ZNF496: variants seen among roughly 807,000 people sequenced by gnomAD.
ZNF496 encodes zinc finger protein 496, also known as NSD1 (nuclear receptor binding SET-domain containing 1)-interacting zinc finger protein 1.
In ZNF496, 11 loss-of-function variants were observed where a neutral mutation model predicts 58.9. The ratio of observed to expected loss-of-function variants is 0.19; its 90% CI spans 0.12 to 0.31. The LOEUF (loss-of-function observed/expected upper bound fraction) is 0.31, where lower values mean the gene tolerates loss of function less well. Ranked by LOEUF, ZNF496 falls within the 10% of genes least tolerant of loss-of-function variation. The pLI is 1.00. For synonymous variants in ZNF496, 338 were observed against 318.2 expected (o/e 1.06, Z -0.66); for missense variants, 660 against 783.0 (o/e 0.84, Z 1.88).
At chr1:247,310,686 T>C in intron 6 of ZNF496, 1 of 522,488 alleles carries the variant, frequency 1.9e-6, no homozygotes, top group Admixed American at 3.2e-5. Flanking sequence ...TCTGTGTCCT[T>C]ACATGATGGA....
chr1:247,329,905 T>C lies in ZNF496; in HGVS notation c.-38+61A>G, dbSNP rs1660262834. On this transcript the variant is annotated intron_variant, in intron 3 of 9. Coordinates refer to ENST00000682384, the MANE Select transcript of ZNF496 (RefSeq NM_032752.3). The surrounding 1 kb of genome is among the most constrained non-coding windows in gnomAD (Gnocchi z 5.5). ...GTGGCATTTCAACGTGACACTGCTGTTTTGAGCATCCCAGGAAACCAACAG... is the reference window on the plus strand; with the variant it reads ...GTGGCATTTCAACGTGACACTGCTGCTTTGAGCATCCCAGGAAACCAACAG... The C allele has an allele frequency of 7.2e-6, 2 of 276,734 alleles. No individual in the cohort carries two copies. The highest frequency in any genetic ancestry group is 1.8e-4 in the South Asian group (2 of 11,068). 17.1% of individuals were successfully genotyped at this position (276,734 alleles called of 1,614,324 possible).
rs1398833844 is a variant in ZNF496, at chr1:247,297,932, C to T, written c.*2587G>A. 6.6e-6 allele frequency: 1 copy of T among 152,204 alleles called. No individual in the cohort carries two copies. The highest frequency in any genetic ancestry group is 2.4e-5 in the African/African-American group (1 of 41,436). 9.4% of individuals were successfully genotyped at this position (152,204 alleles called of 1,614,324 possible). ...TTCTCCTTCATGATGTGGTTTTACA[C>T]AGAAAAACACTCTGGTAAGTAGAAC... On this transcript the variant is annotated 3_prime_UTR_variant, in exon 10 of 10. Coordinates refer to ENST00000682384, the MANE Select transcript of ZNF496 (RefSeq NM_032752.3).
At chr1:247,318,869 C>T (rs990127573) in intron 6 of ZNF496, among the ~76,000 whole-genome samples, 10 of 152,080 alleles carry the variant, frequency 6.6e-5, no homozygotes, top group Admixed American at 1.3e-4. Flanking sequence ...AGTTGAAGCA[C>T]AAATTACAAC....
chr1:247,306,497 G>GT (rs35122206), intron 9 of ZNF496, among the ~76,000 whole-genome samples: 73,605 of 144,180 alleles, frequency 0.51, 18,866 homozygotes, highest in Middle Eastern at 0.71. Flanking sequence ...GCACCTGGCC[G>GT]TTTTTTTTTT....
At position 247,319,864 on chromosome 1, in the gene ZNF496, A is replaced by G. The variant is rs563770052; in HGVS notation, c.651+3290T>C. Among the ~76,000 whole-genome samples, 6 of 152,310 alleles carry G rather than the reference A, an allele frequency of 3.9e-5. No individual in the cohort carries two copies. In the East Asian group the frequency reaches 1.2e-3, roughly 29 times the overall value. ...CTTGAACCCAGGAGATGGGGGCTCC[A>G]GTGAGCTGAGATCGCGCCACTGCAC... On this transcript the variant is annotated intron_variant, in intron 6 of 9. Coordinates refer to ENST00000682384, the MANE Select transcript of ZNF496 (RefSeq NM_032752.3).
At chr1:247,311,937 C>A (rs78397298) in intron 6 of ZNF496, 6 of 152,402 alleles carry the variant, frequency 3.9e-5, no homozygotes, top group Non-Finnish European at 7.3e-5. Context: ...GCGGGTCTTG[C>A]GCTCTGGGCC....
intron 6 of ZNF496, among the ~76,000 whole-genome samples, chr1:247,315,765 G>T (rs1228897025): frequency 6.6e-6 from 1 of 152,096 alleles, no homozygotes; most frequent in African/African-American, 2.4e-5. Context: ...AAAATAAAAA[G>T]AAAGAGAATA....
intron 6 of ZNF496, among the ~76,000 whole-genome samples, chr1:247,314,194 G>A (rs974110842): frequency 1.3e-5 from 2 of 152,120 alleles, no homozygotes; most frequent in African/African-American, 4.8e-5. Context: ...AAGTAGCTGG[G>A]ACTACAGGAG....
chr1:247,301,594 G>C (rs1659241696), intron 9 of ZNF496, among the ~76,000 whole-genome samples: 1 of 152,176 alleles, frequency 6.6e-6, no homozygotes, highest in South Asian at 2.1e-4. Context: ...CAAGCTCTAG[G>C]AGTCTGTATT....
intron 5 of ZNF496, 96 bp downstream of exon 5, chr1:247,328,587 T>C (rs1242473369): frequency 4.6e-6 from 6 of 1,300,324 alleles, no homozygotes; most frequent in Middle Eastern, 2.8e-4. Flanking sequence ...ACTGCTGATG[T>C]AAAAGCCATC....
chr1:247,302,786 G>C (rs1659289786), intron 9 of ZNF496, among the ~76,000 whole-genome samples: 1 of 152,190 alleles, frequency 6.6e-6, no homozygotes, highest in South Asian at 2.1e-4. Context: ...CTGCTGGTGG[G>C]GCAGGTGAGG....
chr1:247,328,434 G>C (rs1197406582), intron 5 of ZNF496, among the ~76,000 whole-genome samples: 1 of 152,172 alleles, frequency 6.6e-6, no homozygotes, highest in Non-Finnish European at 1.5e-5. Context: ...CCACCTCAGT[G>C]ACACCCACCT....
In ZNF496 at chr1:247,329,176, C is replaced by T; in HGVS notation, c.390+13G>A. 1 of 1,613,374 alleles carries T rather than the reference C, an allele frequency of 6.2e-7. No homozygotes were observed. The highest frequency in any genetic ancestry group is 8.5e-7 in the Non-Finnish European group (1 of 1,180,022). On this transcript the variant is annotated intron_variant, in intron 4 of 9. Coordinates refer to ENST00000682384, the MANE Select transcript of ZNF496 (RefSeq NM_032752.3). This position sits in a 1 kb window ranked among gnomAD's most constrained non-coding sequence, Gnocchi z 5.5. The stretch of plus-strand genomic sequence containing the variant: ...AGATCTCTACCCGTCCCAGCCCCAC[C>T]TCTTCTACTCACCCACTGCCAGGGT...
chr1:247,328,573 G>C lies in ZNF496; in HGVS notation c.574+110C>G, dbSNP rs991922984. 4 of 1,199,584 alleles carry C rather than the reference G, an allele frequency of 3.3e-6. No homozygotes were observed. The African/African-American group carries it at 6.2e-5, about 19-fold the overall frequency. The allele number at this position is 1,199,584 out of a possible 1,614,324, so 74.3% of individuals were successfully genotyped here. ...AGCTCACAGCACCTCGGGGACACGA[G>C]AACACTGCTGATGTAAAAGCCATCA... On this transcript the variant is annotated intron_variant, in intron 5 of 9. Transcript: ENST00000682384.
chr1:247,304,981 A>G lies in ZNF496; in HGVS notation c.1006+3494T>C, dbSNP rs1490028974. Among the ~76,000 whole-genome samples the G allele has an allele frequency of 4.6e-5, 7 of 152,272 alleles. No individual in the cohort carries two copies. In the East Asian group the frequency reaches 1.4e-3, roughly 29 times the overall value. On this transcript the variant is annotated intron_variant, in intron 9 of 9. Transcript: ENST00000682384. ...GAGGTGAATGGATTGTGCATGTGGG[A>G]AAGACATGAATTTTGAAGGTCCTGA... is the stretch of plus-strand genomic sequence containing the variant.
At chr1:247,316,171 T>TGTGC (rs1484871717) in intron 6 of ZNF496, among the ~76,000 whole-genome samples, 7 of 139,032 alleles carry the variant, frequency 5.0e-5, no homozygotes, top group African/African-American at 1.6e-4. Flanking sequence ...TGTGTGTGTG[T>TGTGC]GCACGACTTC....
chr1:247,323,076 T>C, intron 6 of ZNF496, 78 bp downstream of exon 6: 1 of 1,223,844 alleles, frequency 8.2e-7, no homozygotes, highest in Admixed American at 1.9e-5. Flanking sequence ...GAAAGCTGGC[T>C]GGGGTCCTAA....
rs1382325060 is a variant in ZNF496 at position 247,311,456 on chromosome 1, C to G, written c.652-1000G>C. 5 of 133,692 alleles carry G rather than the reference C, an allele frequency of 3.7e-5. No homozygotes were observed. In the South Asian group the frequency reaches 1.3e-3, roughly 34 times the overall value. The allele number at this position is 133,692 out of a possible 1,614,324, so 8.3% of individuals were successfully genotyped here. On this transcript the variant is annotated intron_variant, in intron 6 of 9. Coordinates refer to ENST00000682384, the MANE Select transcript of ZNF496 (RefSeq NM_032752.3). ...ACACACACACACACACACACACACA[C>G]ACACACATATATAGTGGTGAGACGG...
chr1:247,301,351 C>CAA (rs2103014744), intron 9 of ZNF496, 75 bp from the exon 10 acceptor site: 1 of 1,468,192 alleles, frequency 6.8e-7, no homozygotes, highest in African/African-American at 1.4e-5. Flanking sequence ...GGCGGAGGAA[C>CAA]ACTCAGCTTG....
Sources: gnomAD v4.1 joint callset for allele counts (sites outside exome capture counted in the v4.1 genomes callset) on GRCh38, gnomAD v4.1.1 for gene constraint, Gnocchi (gnomAD v3.1) non-coding constraint, MANE v1.5 for transcripts, NCBI Gene and HGNC (gene_info 2026-07-23, HGNC 2026-07-21) for gene names.